Variants in ZC3H3 observed in about 807,000 individuals in gnomAD.
The protein encoded by ZC3H3 is zinc finger CCCH domain-containing protein 3.
In ZC3H3, 36 loss-of-function variants were observed where a neutral mutation model predicts 77.3. The observed-to-expected ratio is 0.47, with a 90% CI of 0.36 to 0.61. ZC3H3 has a LOEUF of 0.61. Ranked by LOEUF, ZC3H3 falls within the 20% of genes least tolerant of loss-of-function variation. ZC3H3 has a pLI of 0.00. For missense variants in ZC3H3, 1,331 were observed against 1,312.2 expected (o/e 1.01, Z -0.22); for synonymous variants, 626 against 555.2 (o/e 1.13, Z -1.79).
chr8:143,479,752 T>C (rs1312097665), intron 4 of ZC3H3, among the ~76,000 whole-genome samples: 3 of 152,108 alleles, frequency 2.0e-5, no homozygotes, highest in Non-Finnish European at 2.9e-5. Context: ...TTTATCACCA[T>C]AACCTTGACT....
At chr8:143,532,623 T>A (rs1586966817) in intron 3 of ZC3H3, among the ~76,000 whole-genome samples, 2 of 152,336 alleles carry the variant, frequency 1.3e-5, no homozygotes, top group Non-Finnish European at 2.9e-5. Context: ...AAGGAGGGCC[T>A]GGGAAGGGCT....
chr8:143,476,334 G>C (rs577059620), intron 4 of ZC3H3, among the ~76,000 whole-genome samples: 2 of 152,344 alleles, frequency 1.3e-5, no homozygotes, highest in Non-Finnish European at 2.9e-5. Flanking sequence ...AAGGGCTGAA[G>C]AGGCCGCGAC....
chr8:143,457,720 A>C (rs1321750111), intron 9 of ZC3H3, among the ~76,000 whole-genome samples: 1 of 152,184 alleles, frequency 6.6e-6, no homozygotes, highest in Non-Finnish European at 1.5e-5. Flanking sequence ...TTAAAAAATT[A>C]ATCAGGTATG....
At chr8:143,536,590 CT>C in intron 2 of ZC3H3, 137 bp from the exon 3 acceptor site, 2 of 907,896 alleles carry the variant, frequency 2.2e-6, no homozygotes, top group Non-Finnish European at 1.6e-6. Flanking sequence ...TTTCTGGACC[CT>C]GCCTCCCTCA....
chr8:143,490,316 G>A (rs1007824477), intron 4 of ZC3H3, among the ~76,000 whole-genome samples: 1 of 152,212 alleles, frequency 6.6e-6, no homozygotes, highest in African/African-American at 2.4e-5. Context: ...GGGGCAGCCA[G>A]GCTAAGGACT....
chr8:143,467,363 G>A (rs917496654), intron 8 of ZC3H3, among the ~76,000 whole-genome samples: 7 of 152,192 alleles, frequency 4.6e-5, no homozygotes, highest in African/African-American at 7.2e-5. Flanking sequence ...GGTGCGGGGC[G>A]TCCACATTAG....
chr8:143,530,317 G>A lies in ZC3H3; in HGVS notation c.1561+5940C>T, dbSNP rs536912359. Among the ~76,000 whole-genome samples the A allele has an allele frequency of 1.3e-4, 20 of 152,242 alleles. No individual in the cohort carries two copies. The highest frequency in any genetic ancestry group is 3.9e-4 in the African/African-American group (16 of 41,542). ...GGGCCCTGGGCTTATTCCAGGCCAC[G>A]GGGGAAGGGGGCAGGCCACCGGCAT... On this transcript the variant is annotated intron_variant, in intron 3 of 11. Coordinates refer to ENST00000262577, the MANE Select transcript of ZC3H3 (RefSeq NM_015117.3). This position sits in a 1 kb window ranked among gnomAD's most constrained non-coding sequence, Gnocchi z 4.3.
intron 3 of ZC3H3, among the ~76,000 whole-genome samples, chr8:143,529,408 C>T (rs1255788458): frequency 6.6e-6 from 1 of 152,208 alleles, no homozygotes; most frequent in Non-Finnish European, 1.5e-5. Context: ...GGCTGCGTGG[C>T]AAACCACCCC....
chr8:143,519,630 C>T (rs1044141041), intron 3 of ZC3H3, among the ~76,000 whole-genome samples: 1 of 152,146 alleles, frequency 6.6e-6, no homozygotes, highest in Non-Finnish European at 1.5e-5. Context: ...GACAGGCGAG[C>T]GTGCCGTGCT....
chr8:143,468,748 G>A (rs1434345691), intron 5 of ZC3H3, 89 bp from the exon 6 acceptor site: 13 of 1,461,700 alleles, frequency 8.9e-6, no homozygotes, highest in Non-Finnish European at 1.1e-5. Flanking sequence ...AGGCCCTCAG[G>A]GGTCCCAACA....
At chr8:143,479,452 G>T (rs142670440) in intron 4 of ZC3H3, among the ~76,000 whole-genome samples, 2 of 152,180 alleles carry the variant, frequency 1.3e-5, no homozygotes, top group African/African-American at 2.4e-5. Context: ...TTCCTTTTCC[G>T]CAACGGGAGC....
rs1822681859 is a variant in ZC3H3, at chr8:143,533,307, G to C, written c.1561+2950C>G. Among the ~76,000 whole-genome samples, 1 of 152,116 alleles carries C rather than the reference G, an allele frequency of 6.6e-6. No homozygotes were observed. Among genetic ancestry groups the C allele is most frequent in the Non-Finnish European group, 1.5e-5 (1 of 68,018 alleles). ...CGTTCCCACCTCCACCTCGGCCTCA[G>C]AGCTGAGCCCTATTCGCTCCTCTCT... On this transcript the variant is annotated intron_variant, in intron 3 of 11. Transcript: ENST00000262577. The surrounding 1 kb of genome is among the most constrained non-coding windows in gnomAD (Gnocchi z 4.0).
intron 8 of ZC3H3, among the ~76,000 whole-genome samples, chr8:143,467,774 C>T (rs1820450566): frequency 6.9e-6 from 1 of 144,848 alleles, no homozygotes; most frequent in Admixed American, 6.8e-5. Flanking sequence ...GCCCCTCCCT[C>T]CCGCCCTCTG....
At chr8:143,486,803 C>T (rs569565011) in intron 4 of ZC3H3, among the ~76,000 whole-genome samples, 2 of 146,332 alleles carry the variant, frequency 1.4e-5, no homozygotes, top group African/African-American at 5.2e-5. Flanking sequence ...GCTACACGAC[C>T]CCATCACCAC....
intron 11 of ZC3H3, among the ~76,000 whole-genome samples, chr8:143,439,491 T>C (rs1374592555): frequency 6.6e-6 from 1 of 152,194 alleles, no homozygotes; most frequent in Non-Finnish European, 1.5e-5. Context: ...AAAATCCTCT[T>C]TTCTCTCCTA....
In ZC3H3 at chr8:143,494,345, G is replaced by A. The variant is rs190702402; in HGVS notation, c.1715+13401C>T. Among the ~76,000 whole-genome samples, 354 of 152,344 alleles carry A rather than the reference G, an allele frequency of 2.3e-3. No homozygotes were observed. Among genetic ancestry groups the A allele is most frequent in the African/African-American group, 7.5e-3 (311 of 41,576 alleles). Reference sequence around the variant, plus strand: ...AGTGAGCAGCTCAGGCTACGGGACCGGTGGCAGCCCGCCAGCCCTCCCTCT... The same window carrying A: ...AGTGAGCAGCTCAGGCTACGGGACCAGTGGCAGCCCGCCAGCCCTCCCTCT... On this transcript the variant is annotated intron_variant, in intron 4 of 11. Transcript: ENST00000262577. This position sits in a 1 kb window ranked among gnomAD's most constrained non-coding sequence, Gnocchi z 5.3.
intron 3 of ZC3H3, among the ~76,000 whole-genome samples, chr8:143,513,960 C>T (rs562489503): frequency 6.2e-4 from 95 of 152,292 alleles, no homozygotes; most frequent in Non-Finnish European, 1.1e-3. Flanking sequence ...CAGGGCTGCA[C>T]AACAAGGGCC....
intron 9 of ZC3H3, among the ~76,000 whole-genome samples, chr8:143,451,954 C>T (rs747021824): frequency 6.6e-6 from 1 of 152,216 alleles, no homozygotes. Context: ...TGGAAGGGAT[C>T]GGGGCACGAC....
At chr8:143,474,954 C>T (rs539956277) in intron 5 of ZC3H3, among the ~76,000 whole-genome samples, 8 of 152,318 alleles carry the variant, frequency 5.3e-5, no homozygotes, top group Admixed American at 3.9e-4. Context: ...GCGTGTTTGC[C>T]GTACCTGGCA....
Sources: allele counts gnomAD v4.1 joint callset (sites outside exome capture counted in the v4.1 genomes callset), GRCh38; gene constraint gnomAD v4.1.1; non-coding constraint Gnocchi (gnomAD v3.1); transcripts MANE v1.5; gene names NCBI Gene and HGNC (gene_info 2026-07-23, HGNC 2026-07-21).